HAS3: variants seen among roughly 807,000 people sequenced by gnomAD.
HAS3 encodes HA synthase 3.
In HAS3, 27 loss-of-function variants were observed where a neutral mutation model predicts 50.3. That is an observed-to-expected ratio of 0.54 (90% CI 0.40 to 0.74). The LOEUF is 0.74. Ranked by LOEUF, HAS3 falls within the 30% of genes least tolerant of loss-of-function variation. The probability of loss-of-function intolerance (pLI) is 0.00; values close to 1 mark genes in which losing one functional copy is unlikely to be tolerated. For synonymous variants in HAS3, 339 were observed against 310.9 expected (o/e 1.09, Z -0.95); for missense variants, 517 against 742.8 (o/e 0.70, Z 3.53).
At chr16:69,113,014 G>A (rs1411805566) in intron 2 of HAS3, among the ~76,000 whole-genome samples, 1 of 152,208 alleles carries the variant, frequency 6.6e-6, no homozygotes, top group Non-Finnish European at 1.5e-5. Context: ...GGGGTCAGAG[G>A]CTGACACGGG....
At chr16:69,100,523 G>T in the HAS3 span, among the ~76,000 whole-genome samples, 2 of 152,146 alleles carry the variant, frequency 1.3e-5, no homozygotes, top group Admixed American at 1.3e-4. Flanking sequence ...TGGGCTGGAT[G>T]CCAGGGAGGA....
the HAS3 span, among the ~76,000 whole-genome samples, chr16:69,095,714 C>CA: frequency 5.6e-4 from 77 of 137,344 alleles, 1 homozygote; most frequent in East Asian, 3.5e-3. Context: ...GGGTCCTAGC[C>CA]AAAAAAAAAA....
In HAS3 at chr16:69,109,610, G is replaced by T. The variant is rs142766358; in HGVS notation, c.215G>T (p.Arg72Leu). ...FAFLEHRRMR[R>L]AGQALKLPSP... ...TTCCTGGAGCACCGGCGCATGCGAC[G>T]TGCCGGCCAGGCCCTGAAGCTGCCC... Residue 72 changes from arginine to leucine, a missense_variant, in exon 2 of 4, where the codon CGT (arginine) becomes CTT (leucine). By Grantham distance (102) the Arg-to-Leu change is moderately radical. Transcript: ENST00000569188. The surrounding 1 kb of genome is among the most constrained non-coding windows in gnomAD (Gnocchi z 5.3). 1.2e-4 allele frequency: 188 copies of T among 1,612,080 alleles called. 2 individuals are homozygous for T. The African/African-American group carries it at 1.7e-3, about 15-fold the overall frequency.
chr16:69,118,436 C>G (rs1961333224), downstream of HAS3: 1 of 1,610,952 alleles, frequency 6.2e-7, no homozygotes, highest in Non-Finnish European at 8.5e-7. Flanking sequence ...GTCCGTTCAC[C>G]AACGCCACGT....
chr16:69,091,455 C>T, the HAS3 span, among the ~76,000 whole-genome samples: 79 of 152,264 alleles, frequency 5.2e-4, no homozygotes, highest in East Asian at 0.012. Context: ...AGATCAAAAG[C>T]GTATAACCAT....
At chr16:69,092,158 A>C in the HAS3 span, among the ~76,000 whole-genome samples, 1 of 152,258 alleles carries the variant, frequency 6.6e-6, no homozygotes, top group Non-Finnish European at 1.5e-5. Flanking sequence ...TAATTGCCTC[A>C]GATTACATAG....
At position 69,115,337 on chromosome 16, in the gene HAS3, G is replaced by T; in HGVS notation, c.*71G>T. 1 of 1,478,478 alleles carries T rather than the reference G, an allele frequency of 6.8e-7. No homozygotes were observed. Among genetic ancestry groups the T allele is most frequent in the South Asian group, 1.4e-5 (1 of 69,850 alleles). 91.6% of individuals were successfully genotyped at this position (1,478,478 alleles called of 1,614,324 possible). A position where few individuals can be genotyped will look rare whatever the true frequency, so the allele number is the denominator to read the frequency against. ...GAAGGGGAATGGAAGAGAAAAGACA[G>T]GGTGGGAGGGAGGAGGGAGTGCTGT... On this transcript the variant is annotated 3_prime_UTR_variant, in exon 4 of 4. Coordinates refer to ENST00000569188, the MANE Select transcript of HAS3 (RefSeq NM_001199280.2).
downstream of HAS3, chr16:69,118,533 A>G (rs2152263860): frequency 1.1e-6 from 1 of 919,588 alleles, no homozygotes; most frequent in Non-Finnish European, 1.8e-6. Flanking sequence ...TCCCTGAGGA[A>G]AAGTCCACAA....
At chr16:69,087,038 C>T in the HAS3 span, among the ~76,000 whole-genome samples, 1 of 152,232 alleles carries the variant, frequency 6.6e-6, no homozygotes, top group South Asian at 2.1e-4. Flanking sequence ...ACCACCTTCC[C>T]ACCTCCCACC....
the HAS3 span, chr16:69,084,468 A>G: frequency 6.6e-6 from 1 of 152,358 alleles, no homozygotes; most frequent in African/African-American, 2.4e-5. Flanking sequence ...TCCTTCAGAA[A>G]GATGAATGCC....
chr16:69,116,738 G>T lies in HAS3; in HGVS notation c.*1472G>T. The T allele has an allele frequency of 1.0e-6, 1 of 985,394 alleles. No individual in the cohort carries two copies. The highest frequency in any genetic ancestry group is 1.2e-6 in the Non-Finnish European group (1 of 829,928). The allele number at this position is 985,394 out of a possible 1,614,324, so 61.0% of individuals were successfully genotyped here. On this transcript the variant is annotated 3_prime_UTR_variant, in exon 4 of 4. Transcript: ENST00000569188. ...GGGAATGAGGGGAAGCCATTTTCCA[G>T]TGACTTGCAATCCAGGCTGTTCTCA...
At chr16:69,111,861 AC>A (rs1343639859) in intron 2 of HAS3, among the ~76,000 whole-genome samples, 1 of 151,770 alleles carries the variant, frequency 6.6e-6, no homozygotes, top group Non-Finnish European at 1.5e-5. Context: ...ACAGGATCTC[AC>A]CCCCACCCCA....
chr16:69,102,471 A>G (rs1960707558), upstream of HAS3, among the ~76,000 whole-genome samples: 1 of 152,212 alleles, frequency 6.6e-6, no homozygotes, highest in South Asian at 2.1e-4. Context: ...CACAAACTGG[A>G]TGCTAATTAC....
chr16:69,113,336 T>C (rs1961070182), intron 2 of HAS3, 105 bp from the exon 3 acceptor site: 2 of 782,128 alleles, frequency 2.6e-6, no homozygotes, highest in Non-Finnish European at 4.6e-6. Context: ...GAGTCATGTG[T>C]GAAGGGGTCA....
chr16:69,101,510 G>GGCTGGT (rs2152252111), upstream of HAS3, among the ~76,000 whole-genome samples: 1 of 152,230 alleles, frequency 6.6e-6, no homozygotes, highest in Non-Finnish European at 1.5e-5. Flanking sequence ...ATGTTGGTCA[G>GGCTGGT]GCTGGTGGAA....
Position 69,116,237 on chromosome 16 carries a change from C to T in HAS3, c.*971C>T. The T allele has an allele frequency of 2.0e-6, 2 of 985,594 alleles. No individual in the cohort carries two copies. The highest frequency in any genetic ancestry group is 1.7e-5 in the African/African-American group (1 of 57,370). The allele number at this position is 985,594 out of a possible 1,614,324, so 61.1% of individuals were successfully genotyped here. ...TTTTTTGAGGTATCACTGCAGTCACCTCTTCTACCCTCATCATCATAGGTA... is the reference window on the plus strand; with the variant it reads ...TTTTTTGAGGTATCACTGCAGTCACTTCTTCTACCCTCATCATCATAGGTA... On this transcript the variant is annotated 3_prime_UTR_variant, in exon 4 of 4. Transcript: ENST00000569188.
In HAS3 at chr16:69,115,260, G is replaced by C; in HGVS notation, c.1656G>C (p.Glu552Asp). 1.3e-6 allele frequency: 2 copies of C among 1,517,764 alleles called. No homozygotes were observed. The highest frequency in any genetic ancestry group is 1.8e-6 in the Non-Finnish European group (2 of 1,134,722). The allele number at this position is 1,517,764 out of a possible 1,614,324, so 94.0% of individuals were successfully genotyped here. Reference protein sequence around the residue: ...KPEQYSLAFAEV With the variant: ...KPEQYSLAFADV ...AGCAGTACAGCTTGGCTTTTGCTGA[G>C]GTGTGACATGGCCCCCAAGCAGAGC... The change falls in exon 4 of 4, where the codon GAG (glutamate) becomes GAC (aspartate). Residue 552 changes from glutamate (E) to aspartate (D), a missense_variant. Coordinates refer to ENST00000569188, the MANE Select transcript of HAS3 (RefSeq NM_001199280.2).
chr16:69,090,834 A>G, the HAS3 span, among the ~76,000 whole-genome samples: 1 of 152,142 alleles, frequency 6.6e-6, no homozygotes, highest in Admixed American at 6.6e-5. Context: ...CGGCCTCCCA[A>G]AGTGCTGGGA....
Position 69,116,349 on chromosome 16 carries a change from A to G in HAS3, c.*1083A>G, listed in dbSNP as rs1597101053. 2 of 985,884 alleles carry G rather than the reference A, an allele frequency of 2.0e-6. No homozygotes were observed. Among genetic ancestry groups the G allele is most frequent in the Admixed American group, 6.1e-5 (1 of 16,284 alleles). 61.1% of individuals were successfully genotyped at this position (985,884 alleles called of 1,614,324 possible). A position where few individuals can be genotyped will look rare whatever the true frequency, so the allele number is the denominator to read the frequency against. ...AAGCGTGTTCTCAGCACATATGGGA[A>G]CTATGAGGAGCCTCTGATCAAATTG... is the stretch of plus-strand genomic sequence containing the variant. On this transcript the variant is annotated 3_prime_UTR_variant, in exon 4 of 4. Transcript: ENST00000569188.
Sources: gnomAD v4.1 joint callset for allele counts (sites outside exome capture counted in the v4.1 genomes callset) on GRCh38, gnomAD v4.1.1 for gene constraint, Gnocchi (gnomAD v3.1) non-coding constraint, MANE v1.5 for transcripts, NCBI Gene and HGNC (gene_info 2026-07-23, HGNC 2026-07-21) for gene names.